Variants in NHSL1 observed in about 807,000 individuals in gnomAD.
The protein encoded by NHSL1 is NHS like 1, also known as NHS-like protein 1.
A neutral mutation model predicts 95.0 loss-of-function variants in NHSL1; 48 were observed. The observed-to-expected ratio is 0.51, with a 90% confidence interval of 0.40 to 0.64. The LOEUF (loss-of-function observed/expected upper bound fraction) is 0.64. NHSL1 is among the 30% of genes least tolerant of loss of function. NHSL1 has a pLI of 0.00. For missense variants in NHSL1, 1,971 were observed against 2,077.7 expected (o/e 0.95, Z 1.00); for synonymous variants, 783 against 833.9 (o/e 0.94, Z 1.05).
intron 3 of NHSL1, among the ~76,000 whole-genome samples, chr6:138,462,323 G>A (rs960303209): frequency 8.5e-5 from 13 of 152,148 alleles, no homozygotes; most frequent in African/African-American, 2.9e-4. Context: ...GCAATGAGGG[G>A]AGGATCTGAG....
intron 4 of NHSL1, among the ~76,000 whole-genome samples, chr6:138,444,861 T>C (rs992520701): frequency 5.3e-5 from 8 of 152,250 alleles, no homozygotes; most frequent in East Asian, 1.9e-4. Context: ...AACACACAGA[T>C]GTAGAAAATG....
chr6:138,450,200 A>G (rs1777139231), intron 3 of NHSL1, among the ~76,000 whole-genome samples: 1 of 152,172 alleles, frequency 6.6e-6, no homozygotes, highest in Non-Finnish European at 1.5e-5. Flanking sequence ...GTGCACACAC[A>G]CACACACACA....
intron 1 of NHSL1, among the ~76,000 whole-genome samples, chr6:138,556,594 T>C (rs561617797): frequency 1.3e-5 from 2 of 150,864 alleles, no homozygotes; most frequent in Admixed American, 6.7e-5. Flanking sequence ...ATGGGGATTA[T>C]AGCATTTCAA....
intron 2 of NHSL1, among the ~76,000 whole-genome samples, chr6:138,483,012 T>C (rs901274676): frequency 4.6e-5 from 7 of 152,348 alleles, no homozygotes; most frequent in African/African-American, 1.7e-4. Context: ...ACAACTTGGA[T>C]TCCTAGCAAG....
rs1229053137 is a variant in NHSL1 at position 138,431,687 on chromosome 6, T to C, written c.2658A>G (p.Pro886=). The stretch of plus-strand genomic sequence containing the variant: ...AAGATATCAGAGAGGACTTCCTTTC[T>C]GGTACCTTGGGCTTGGGCTTCCCCT... ...NGKGKPKPKV[P]ERKSSLISSV... The change falls in exon 6 of 8, where the codon CCA becomes CCG. Residue 886 remains proline (P), a synonymous_variant. Coordinates refer to ENST00000343505, the MANE Select transcript of NHSL1 (RefSeq NM_001144060.2). This position sits in a 1 kb window ranked among gnomAD's most constrained non-coding sequence, Gnocchi z 4.0. 2 of 1,551,748 alleles carry C rather than the reference T, an allele frequency of 1.3e-6. No homozygotes were observed. Among genetic ancestry groups the C allele is most frequent in the East Asian group, 2.4e-5 (1 of 40,920 alleles).
intron 1 of NHSL1, among the ~76,000 whole-genome samples, chr6:138,609,155 G>C (rs1784474162): frequency 6.6e-6 from 1 of 152,166 alleles, no homozygotes; most frequent in African/African-American, 2.4e-5. Context: ...TACAAATAAA[G>C]TGGCTAAGAA....
intron 7 of NHSL1, among the ~76,000 whole-genome samples, chr6:138,426,175 A>G (rs1775249514): frequency 6.6e-6 from 1 of 152,250 alleles, no homozygotes; most frequent in Non-Finnish European, 1.5e-5. Context: ...TTAATAGAAT[A>G]AAGACGTGGG....
At chr6:138,616,804 G>C (rs1784585019) in intron 1 of NHSL1, among the ~76,000 whole-genome samples, 2 of 152,160 alleles carry the variant, frequency 1.3e-5, no homozygotes, top group African/African-American at 4.8e-5. Context: ...TCTAAGAAAA[G>C]AGCCTAATCT....
At chr6:138,519,045 A>C (rs968426658) in intron 1 of NHSL1, among the ~76,000 whole-genome samples, 6 of 151,940 alleles carry the variant, frequency 3.9e-5, no homozygotes, top group African/African-American at 9.7e-5. Flanking sequence ...TAAATAAATA[A>C]ATAAATACAT....
At chr6:138,520,754 A>G (rs1781645561) in intron 1 of NHSL1, among the ~76,000 whole-genome samples, 1 of 152,216 alleles carries the variant, frequency 6.6e-6, no homozygotes, top group Admixed American at 6.5e-5. Flanking sequence ...TGACAAACAC[A>G]TGGGCTTCAA....
Position 138,430,987 on chromosome 6 carries a change from T to G in NHSL1, c.3358A>C (p.Asn1120His). The G allele has an allele frequency of 1.9e-6, 3 of 1,552,160 alleles. No homozygotes were observed. Among genetic ancestry groups the G allele is most frequent in the Non-Finnish European group, 2.6e-6 (3 of 1,147,112 alleles). Residue 1120 changes from asparagine (N) to histidine (H), a missense_variant, in exon 6 of 8, where the codon AAT (asparagine) becomes CAT (histidine). Physicochemically the swap from Asn to His is moderately conservative, Grantham distance 68. This residue lies in a region of NHSL1 where 1,602 missense variants were observed against 1,654.5 expected (regional missense o/e 0.97). Transcript: ENST00000343505. This position sits in a 1 kb window ranked among gnomAD's most constrained non-coding sequence, Gnocchi z 4.7. ...LKPSAFLKSRNSTNEMESESQ... is the reference protein window; with the variant it reads ...LKPSAFLKSRHSTNEMESESQ... ...TCACTCTCCATTTCATTTGTGCTAT[T>G]TCGGGATTTCAGGAAAGCAGATGGC...
intron 1 of NHSL1, among the ~76,000 whole-genome samples, chr6:138,606,311 T>A (rs1784433266): frequency 6.6e-6 from 1 of 152,170 alleles, no homozygotes; most frequent in Admixed American, 6.5e-5. Context: ...TAGAGTATGA[T>A]TAATTAATTT....
rs1238678584 is a variant in NHSL1, at chr6:138,456,404, A to T, written c.340-9211T>A. ...GCCTTTTCTTCAAAGTCTTCCTTTGATTTAAATATTTCTTATCAACAAAGC... is the reference window on the plus strand; with the variant it reads ...GCCTTTTCTTCAAAGTCTTCCTTTGTTTTAAATATTTCTTATCAACAAAGC... On this transcript the variant is annotated intron_variant, in intron 3 of 7. Transcript: ENST00000343505. Among the ~76,000 whole-genome samples the T allele has an allele frequency of 2.0e-5, 3 of 152,182 alleles. No individual in the cohort carries two copies. The East Asian group carries it at 5.8e-4, about 29-fold the overall frequency.
chr6:138,496,415 G>T, intron 1 of NHSL1, 44 bp from the exon 2 acceptor site: 1 of 1,538,156 alleles, frequency 6.5e-7, no homozygotes, highest in Non-Finnish European at 8.8e-7. Flanking sequence ...CAACTTCATT[G>T]GCTACGAGTT....
intron 1 of NHSL1, among the ~76,000 whole-genome samples, chr6:138,527,295 T>C (rs1562350026): frequency 6.6e-6 from 1 of 151,784 alleles, no homozygotes; most frequent in Non-Finnish European, 1.5e-5. Context: ...CCAAAAATCA[T>C]ACAGACATTT....
At chr6:138,496,198 T>G in intron 2 of NHSL1, 21 bp downstream of exon 2, 1 of 1,550,484 alleles carries the variant, frequency 6.4e-7, no homozygotes, top group Non-Finnish European at 8.7e-7. Context: ...GAAAATAAGC[T>G]CACAGAGGAT....
At chr6:138,508,026 G>A (rs1413542486) in intron 1 of NHSL1, among the ~76,000 whole-genome samples, 1 of 152,190 alleles carries the variant, frequency 6.6e-6, no homozygotes, top group Non-Finnish European at 1.5e-5. Context: ...GTAGATCCTA[G>A]TTAATAATTT....
upstream of NHSL1, among the ~76,000 whole-genome samples, chr6:138,576,464 C>CCGTG (rs1395012399): frequency 6.6e-6 from 1 of 152,222 alleles, no homozygotes; most frequent in African/African-American, 2.4e-5. Context: ...GCCTTCCTTA[C>CCGTG]CGTGCTGGGC....
At position 138,499,247 on chromosome 6, in the gene NHSL1, A is replaced by C. The variant is rs1331797549; in HGVS notation, c.44T>G (p.Leu15Arg). 1 of 1,549,226 alleles carries C rather than the reference A, an allele frequency of 6.5e-7. No homozygotes were observed. The highest frequency in any genetic ancestry group is 8.7e-7 in the Non-Finnish European group (1 of 1,145,076). ...GAACTACTTACTTTTCTTCTTAAAA[A>C]GTTTAATTAAAGACTTAATCTTTGC... Reference protein sequence around the residue: ...INAKIKSLIKLFKKKTVSNLD... With the variant: ...INAKIKSLIKRFKKKTVSNLD... Residue 15 changes from leucine to arginine, a missense_variant, in exon 1 of 8, where the codon CTT becomes CGT. This residue lies in a region of NHSL1 where 1,602 missense variants were observed against 1,654.5 expected (regional missense o/e 0.97). Coordinates refer to ENST00000343505, the MANE Select transcript of NHSL1 (RefSeq NM_001144060.2).
Sources: gnomAD v4.1 joint callset for allele counts (sites outside exome capture counted in the v4.1 genomes callset) on GRCh38, gnomAD v4.1.1 for gene constraint, gnomAD v4.1.1 regional missense constraint, Gnocchi (gnomAD v3.1) non-coding constraint, MANE v1.5 for transcripts, NCBI Gene and HGNC (gene_info 2026-07-23, HGNC 2026-07-21) for gene names.